ATP1A1: variants seen among roughly 807,000 people sequenced by gnomAD.
ATP1A1 encodes the protein ATPase Na+/K+ transporting subunit alpha 1.
ATP1A1 carries 14 observed loss-of-function variants against 114.8 expected under a neutral mutation model. That is an observed-to-expected ratio of 0.12 (90% CI 0.08 to 0.19). The LOEUF is 0.19. Among genes scored for constraint, ATP1A1 ranks in the 10% least tolerant of loss-of-function variants. The pLI is 1.00. For synonymous variants in ATP1A1, 471 were observed against 466.3 expected (o/e 1.01, Z -0.13); for missense variants, 524 against 1,290.7 (o/e 0.41, Z 9.10).
chr1:116,375,298 A>G (rs1651292031), intron 1 of ATP1A1, among the ~76,000 whole-genome samples: 1 of 152,224 alleles, frequency 6.6e-6, no homozygotes, highest in Non-Finnish European at 1.5e-5. Context: ...AAGCCTGAAC[A>G]TGCATTTACT....
intron 18 of ATP1A1, among the ~76,000 whole-genome samples, chr1:116,400,560 A>C (rs1268370979): frequency 6.6e-6 from 1 of 152,244 alleles, no homozygotes; most frequent in Non-Finnish European, 1.5e-5. Context: ...TCATACCCTT[A>C]GAAGCAGCTG....
rs1651724654 is a variant in ATP1A1, at chr1:116,381,279, TC to T, written c.13-2734del. ...ATAAGGAAACATTGTCCTACCTGAT[TC>T]TACCACTGTTCATCTCACGCAGTGT... On this transcript the variant is annotated intron_variant, in intron 1 of 22. Coordinates refer to ENST00000295598, the MANE Select transcript of ATP1A1 (RefSeq NM_000701.8). This position sits in a 1 kb window ranked among gnomAD's most constrained non-coding sequence, Gnocchi z 5.1. Among the ~76,000 whole-genome samples the T allele has an allele frequency of 6.6e-6, 1 of 152,224 alleles. No homozygotes were observed. The highest frequency in any genetic ancestry group is 6.5e-5 in the Admixed American group (1 of 15,282).
At chr1:116,380,383 A>C (rs1197943203) in intron 1 of ATP1A1, among the ~76,000 whole-genome samples, 2 of 152,176 alleles carry the variant, frequency 1.3e-5, no homozygotes, top group Non-Finnish European at 2.9e-5. Context: ...TTGTGCTGAT[A>C]TGGTGGGAAA....
rs1653050176 is a variant in ATP1A1 at position 116,397,737 on chromosome 1, C to T, written c.1974-151C>T. 4 of 955,042 alleles carry T rather than the reference C, an allele frequency of 4.2e-6. No individual in the cohort carries two copies. The highest frequency in any genetic ancestry group is 6.1e-6 in the Non-Finnish European group (4 of 654,346). 59.2% of individuals were successfully genotyped at this position (955,042 alleles called of 1,614,324 possible). ...AAAATGCTCTGTAACCTGTAAAGTA[C>T]TGAACACTTAATAGCTTTTATGTGC... On this transcript the variant is annotated intron_variant, in intron 14 of 22. Transcript: ENST00000295598. The surrounding 1 kb of genome is among the most constrained non-coding windows in gnomAD (Gnocchi z 4.2).
chr1:116,404,531 T>G lies in ATP1A1; in HGVS notation c.*87T>G. ...TCTTTGTGTACTTCAGTCTTGGAGT[T>G]TGGAACTCTACCCTGGTAGGAAAGC... On this transcript the variant is annotated 3_prime_UTR_variant, in exon 23 of 23. Coordinates refer to ENST00000295598, the MANE Select transcript of ATP1A1 (RefSeq NM_000701.8). The surrounding 1 kb of genome is among the most constrained non-coding windows in gnomAD (Gnocchi z 4.8). 6.6e-7 allele frequency: 1 copy of G among 1,518,440 alleles called. No homozygotes were observed. The highest frequency in any genetic ancestry group is 2.5e-5 in the East Asian group (1 of 40,232). 94.1% of individuals were successfully genotyped at this position (1,518,440 alleles called of 1,614,324 possible).
rs1297002430 is a variant in ATP1A1, at chr1:116,388,835, G to T, written c.636+63G>T. 1.2e-6 allele frequency: 2 copies of T among 1,612,254 alleles called. No homozygotes were observed. Among genetic ancestry groups the T allele is most frequent in the African/African-American group, 2.7e-5 (2 of 74,730 alleles). ...TGCTGTTCGGGCAGCTTGATTTGAG[G>T]GGTACAGTAGCCCATGATAAGGCTG... On this transcript the variant is annotated intron_variant, in intron 6 of 22. Coordinates refer to ENST00000295598, the MANE Select transcript of ATP1A1 (RefSeq NM_000701.8). The surrounding 1 kb of genome is among the most constrained non-coding windows in gnomAD (Gnocchi z 5.6).
rs764612155 is a variant in ATP1A1, at chr1:116,398,054, G to T, written c.2124+16G>T. On this transcript the variant is annotated intron_variant, in intron 15 of 22. Transcript: ENST00000295598. This position sits in a 1 kb window ranked among gnomAD's most constrained non-coding sequence, Gnocchi z 6.1. ...CCAAAGACAGGTCAGCCAGCACAAGGATCAGGCTGCTTTGGGCACTATTGG... is the reference window on the plus strand; with the variant it reads ...CCAAAGACAGGTCAGCCAGCACAAGTATCAGGCTGCTTTGGGCACTATTGG... The T allele has an allele frequency of 6.2e-7, 1 of 1,613,158 alleles. No homozygotes were observed. The highest frequency in any genetic ancestry group is 8.5e-7 in the Non-Finnish European group (1 of 1,179,590).
chr1:116,376,385 G>T (rs1191774403), intron 1 of ATP1A1, among the ~76,000 whole-genome samples: 1 of 152,190 alleles, frequency 6.6e-6, no homozygotes, highest in Non-Finnish European at 1.5e-5. Flanking sequence ...TCCTCTGGCT[G>T]CTATAAAGCT....
intron 10 of ATP1A1, 136 bp downstream of exon 10, chr1:116,391,027 C>CT: frequency 1.5e-6 from 1 of 684,780 alleles, no homozygotes; most frequent in Non-Finnish European, 2.5e-6. Flanking sequence ...CTGTGCAGTA[C>CT]TTTGCTGTGT....
Position 116,389,840 on chromosome 1 carries a change from A to G in ATP1A1, c.1023+133A>G, listed in dbSNP as rs1652324744. The stretch of plus-strand genomic sequence containing the variant: ...TTTGATATAGTTCTTCTTGAGAGCC[A>G]CATCACGTGGTGAATTTTGACAGTG... On this transcript the variant is annotated intron_variant, in intron 8 of 22. Transcript: ENST00000295598. The surrounding 1 kb of genome is among the most constrained non-coding windows in gnomAD (Gnocchi z 6.9). The G allele has an allele frequency of 7.7e-7, 1 of 1,304,690 alleles. No individual in the cohort carries two copies. The highest frequency in any genetic ancestry group is 1.5e-5 in the African/African-American group (1 of 67,390). 80.8% of individuals were successfully genotyped at this position (1,304,690 alleles called of 1,614,324 possible).
rs1199034486 is a variant in ATP1A1, at chr1:116,383,278, A to G, written c.13-736A>G. 11 of 885,508 alleles carry G rather than the reference A, an allele frequency of 1.2e-5. No homozygotes were observed. In the East Asian group the frequency reaches 1.1e-3, roughly 92 times the overall value. The allele number at this position is 885,508 out of a possible 1,614,324, so 54.9% of individuals were successfully genotyped here. Reference sequence around the variant, plus strand: ...GCGCTCCCTTTTTTATCTCTTATGCAAAGAATTTTAAGGAGTCTTAGGCTG... The same window carrying G: ...GCGCTCCCTTTTTTATCTCTTATGCGAAGAATTTTAAGGAGTCTTAGGCTG... On this transcript the variant is annotated intron_variant, in intron 1 of 22. Coordinates refer to ENST00000295598, the MANE Select transcript of ATP1A1 (RefSeq NM_000701.8).
Position 116,385,126 on chromosome 1 carries a change from T to C in ATP1A1, c.183+284T>C, listed in dbSNP as rs1448560779. 6 of 393,158 alleles carry C rather than the reference T, an allele frequency of 1.5e-5. No individual in the cohort carries two copies. In the South Asian group the frequency reaches 1.7e-4, roughly 11 times the overall value. 24.4% of individuals were successfully genotyped at this position (393,158 alleles called of 1,614,324 possible). ...CTTGCAGTTGGCTTCAAAGCCATGC[T>C]TATGCCTTGACCTTTTGATGATAAA... On this transcript the variant is annotated intron_variant, in intron 3 of 22. Coordinates refer to ENST00000295598, the MANE Select transcript of ATP1A1 (RefSeq NM_000701.8). This position sits in a 1 kb window ranked among gnomAD's most constrained non-coding sequence, Gnocchi z 4.3.
intron 1 of ATP1A1, among the ~76,000 whole-genome samples, chr1:116,378,624 A>G (rs541930294): frequency 6.6e-6 from 1 of 152,268 alleles, no homozygotes; most frequent in Admixed American, 6.5e-5. Flanking sequence ...TATCTTCCAC[A>G]TGATGCTTCC....
At chr1:116,396,947 A>G (rs928252563) in intron 14 of ATP1A1, among the ~76,000 whole-genome samples, 2 of 152,226 alleles carry the variant, frequency 1.3e-5, no homozygotes, top group African/African-American at 4.8e-5. Context: ...TTACTGTTCT[A>G]AGAGCTTGAT....
At position 116,399,784 on chromosome 1, in the gene ATP1A1, A is replaced by G. The variant is rs1653275664; in HGVS notation, c.2572+241A>G. Among the ~76,000 whole-genome samples the G allele has an allele frequency of 2.0e-5, 3 of 152,142 alleles. No individual in the cohort carries two copies. Among genetic ancestry groups the G allele is most frequent in the Non-Finnish European group, 4.4e-5 (3 of 68,018 alleles). Reference sequence around the variant, plus strand: ...GGTTTTCTATACTGAGCACCTTGGAACTGGGCTCAACTCTGCCTGAGAAAT... The same window carrying G: ...GGTTTTCTATACTGAGCACCTTGGAGCTGGGCTCAACTCTGCCTGAGAAAT... On this transcript the variant is annotated intron_variant, in intron 18 of 22. Transcript: ENST00000295598. This position sits in a 1 kb window ranked among gnomAD's most constrained non-coding sequence, Gnocchi z 5.0.
At position 116,388,044 on chromosome 1, in the gene ATP1A1, TC is replaced by T. The variant is rs1674183405; in HGVS notation, c.388-86del. On this transcript the variant is annotated intron_variant, in intron 4 of 22. Transcript: ENST00000295598. This position sits in a 1 kb window ranked among gnomAD's most constrained non-coding sequence, Gnocchi z 5.6. ...GAAATCTTGGTTTCTCTATTAAAAA[TC>T]TGTTTTTTATTCAGTCAAAAAATTA... 1.2e-6 allele frequency: 1 copy of T among 847,324 alleles called. No individual in the cohort carries two copies. The highest frequency in any genetic ancestry group is 1.6e-5 in the South Asian group (1 of 63,886). The allele number at this position is 847,324 out of a possible 1,614,324, so 52.5% of individuals were successfully genotyped here. A position where few individuals can be genotyped will look rare whatever the true frequency, so the allele number is the denominator to read the frequency against.
Position 116,404,618 on chromosome 1 carries a change from G to C in ATP1A1, c.*174G>C, listed in dbSNP as rs1019165034. The C allele has an allele frequency of 8.5e-6, 9 of 1,056,840 alleles. No homozygotes were observed. The highest frequency in any genetic ancestry group is 3.4e-5 in the African/African-American group (2 of 59,636). 65.5% of individuals were successfully genotyped at this position (1,056,840 alleles called of 1,614,324 possible). ...AAGCATGTAGCTCTATGGGGGGAGG[G>C]GGGAGGGCTGCCTGAAAACCATCCA... On this transcript the variant is annotated 3_prime_UTR_variant, in exon 23 of 23. Coordinates refer to ENST00000295598, the MANE Select transcript of ATP1A1 (RefSeq NM_000701.8). This position sits in a 1 kb window ranked among gnomAD's most constrained non-coding sequence, Gnocchi z 4.8.
rs1036943905 is a variant in ATP1A1 at position 116,389,201 on chromosome 1, C to G, written c.754+182C>G. On this transcript the variant is annotated intron_variant, in intron 7 of 22. Coordinates refer to ENST00000295598, the MANE Select transcript of ATP1A1 (RefSeq NM_000701.8). This position sits in a 1 kb window ranked among gnomAD's most constrained non-coding sequence, Gnocchi z 6.9. ...TTGTGGCAGTTTCCCTTCCCTCCAC[C>G]TCCACCCTGCCTCTTCTGTCAACAA... Among the ~76,000 whole-genome samples the G allele has an allele frequency of 6.6e-6, 1 of 152,154 alleles. No homozygotes were observed. The highest frequency in any genetic ancestry group is 6.6e-5 in the Admixed American group (1 of 15,246).
rs1234604056 is a variant in ATP1A1, at chr1:116,395,987, A to G, written c.1837-611A>G. 1.3e-5 allele frequency among the ~76,000 whole-genome samples: 2 copies of G among 152,168 alleles called. No homozygotes were observed. The highest frequency in any genetic ancestry group is 4.8e-5 in the African/African-American group (2 of 41,438). ...AGGCTGGTCTCAAACTCCTGACCTC[A>G]GGTGATCTGCCCACCTCAGCCTCCC... On this transcript the variant is annotated intron_variant, in intron 13 of 22. Transcript: ENST00000295598. This position sits in a 1 kb window ranked among gnomAD's most constrained non-coding sequence, Gnocchi z 6.4.
Sources: allele counts gnomAD v4.1 joint callset (sites outside exome capture counted in the v4.1 genomes callset), GRCh38; gene constraint gnomAD v4.1.1; non-coding constraint Gnocchi (gnomAD v3.1); transcripts MANE v1.5; gene names NCBI Gene and HGNC (gene_info 2026-07-23, HGNC 2026-07-21).